The following SGCZ variants were observed in gnomAD, a reference collection of about 807,000 sequenced individuals.
SGCZ encodes zeta-sarcoglycan.
Under a neutral mutation model 41.3 loss-of-function variants are expected in SGCZ, and 40 were observed. The observed-to-expected ratio is 0.97, with a 90% CI of 0.75 to 1.26. The LOEUF is 1.26. Among genes scored for constraint, SGCZ ranks in the 50% most tolerant of loss-of-function variants. The probability of loss-of-function intolerance (pLI) is 0.00; values close to 1 mark genes in which losing one functional copy is unlikely to be tolerated. For synonymous variants in SGCZ, 206 were observed against 137.5 expected, an observed-to-expected ratio of 1.50 and a Z score of -3.49; for missense variants, 552 against 369.8, an observed-to-expected ratio of 1.49 and a Z score of -4.04.
chr8:14,844,053 A>G (rs1585311789), intron 1 of SGCZ, among the ~76,000 whole-genome samples: 1 of 151,488 alleles, frequency 6.6e-6, no homozygotes, highest in Non-Finnish European at 1.5e-5. Context: ...TTTAAAAATT[A>G]TATGTACATA....
At chr8:14,790,589 T>C (rs1044373049) in intron 1 of SGCZ, among the ~76,000 whole-genome samples, 3 of 152,064 alleles carry the variant, frequency 2.0e-5, no homozygotes, top group Admixed American at 6.6e-5. Context: ...TATAAATAAC[T>C]AAGAATTAAA....
At chr8:14,934,158 T>A (rs892445184) in intron 1 of SGCZ, among the ~76,000 whole-genome samples, 1 of 151,942 alleles carries the variant, frequency 6.6e-6, no homozygotes, top group African/African-American at 2.4e-5. Flanking sequence ...ATAAAACTTA[T>A]GGACAGTGTT....
intron 1 of SGCZ, among the ~76,000 whole-genome samples, chr8:15,015,933 T>C (rs1803016155): frequency 2.0e-5 from 3 of 152,082 alleles, no homozygotes; most frequent in Non-Finnish European, 4.4e-5. Context: ...CATTTCCTTC[T>C]TTCCATTTTC....
At chr8:14,277,774 G>C (rs971905266) in intron 3 of SGCZ, among the ~76,000 whole-genome samples, 4 of 152,074 alleles carry the variant, frequency 2.6e-5, no homozygotes, top group Admixed American at 2.0e-4. Context: ...AGTGAGGGGA[G>C]GAATGTTCTC....
At chr8:14,407,389 C>G (rs35827496) in intron 2 of SGCZ, among the ~76,000 whole-genome samples, 1 of 152,050 alleles carries the variant, frequency 6.6e-6, no homozygotes, top group African/African-American at 2.4e-5. Flanking sequence ...GATAAGAACA[C>G]TGAGTTTCAG....
At position 14,798,685 on chromosome 8, in the gene SGCZ, A is replaced by G. The variant is rs187060955; in HGVS notation, c.40-243759T>C. Among the ~76,000 whole-genome samples, 5 of 151,818 alleles carry G rather than the reference A, an allele frequency of 3.3e-5. No individual in the cohort carries two copies. In the East Asian group the frequency reaches 9.8e-4, roughly 30 times the overall value. ...AAAATACTTACATATTTTAAGTGAA[A>G]AAGGAGTATGAAGTAAAATGTACCC... On this transcript the variant is annotated intron_variant, in intron 1 of 7. Coordinates refer to ENST00000382080, the MANE Select transcript of SGCZ (RefSeq NM_139167.4).
intron 3 of SGCZ, among the ~76,000 whole-genome samples, chr8:14,313,054 C>T (rs17297046): frequency 0.27 from 40,596 of 151,970 alleles, 6,197 homozygotes; most frequent in South Asian, 0.48. Flanking sequence ...TCCTGCTCAA[C>T]AACGTTTTTT....
intron 3 of SGCZ, among the ~76,000 whole-genome samples, chr8:14,294,643 T>C (rs1563240765): frequency 1.3e-5 from 2 of 151,954 alleles, no homozygotes; most frequent in African/African-American, 4.8e-5. Flanking sequence ...CTGATCCCTT[T>C]AAAAAAATAT....
chr8:14,540,542 A>G (rs1229748469), intron 2 of SGCZ, among the ~76,000 whole-genome samples: 1 of 151,656 alleles, frequency 6.6e-6, no homozygotes, highest in Non-Finnish European at 1.5e-5. Context: ...GGGTTGTTTC[A>G]ATGGCTTTAT....
At chr8:15,232,739 GTGTGTATATATATACATATATA>G (rs1801988395) in intron 1 of SGCZ, among the ~76,000 whole-genome samples, 1 of 143,752 alleles carries the variant, frequency 7.0e-6, no homozygotes, top group African/African-American at 2.5e-5. Flanking sequence ...ACATATATAT[GTGTGTATATATATACATATATA>G]TGTGTGTATA....
In SGCZ at chr8:14,110,818, C is replaced by T. The variant is rs960504307; in HGVS notation, c.548-2583G>A. 6.6e-5 allele frequency among the ~76,000 whole-genome samples: 10 copies of T among 152,014 alleles called. No individual in the cohort carries two copies. The South Asian group carries it at 1.2e-3, about 19-fold the overall frequency. ...CTGGAATCCCAGCACTTTAGGAGGA[C>T]GAAGCAGGCAGATCACTTGAGGGCA... On this transcript the variant is annotated intron_variant, in intron 5 of 7. Coordinates refer to ENST00000382080, the MANE Select transcript of SGCZ (RefSeq NM_139167.4).
At chr8:14,782,821 T>C (rs1301353414) in intron 1 of SGCZ, among the ~76,000 whole-genome samples, 1 of 152,204 alleles carries the variant, frequency 6.6e-6, no homozygotes, top group East Asian at 1.9e-4. Flanking sequence ...GACACAGGCA[T>C]ATTGCAGATC....
chr8:14,492,706 C>T (rs1218328330), intron 2 of SGCZ, among the ~76,000 whole-genome samples: 1 of 152,128 alleles, frequency 6.6e-6, no homozygotes, highest in Non-Finnish European at 1.5e-5. Flanking sequence ...AAGGCTCAAC[C>T]TTCCTCATTT....
At chr8:15,124,848 G>C (rs1455367341) in intron 1 of SGCZ, among the ~76,000 whole-genome samples, 1 of 151,994 alleles carries the variant, frequency 6.6e-6, no homozygotes, top group Non-Finnish European at 1.5e-5. Context: ...AAATCAGGGA[G>C]GAAGGATATG....
intron 1 of SGCZ, among the ~76,000 whole-genome samples, chr8:14,921,981 G>T (rs1435014952): frequency 6.6e-6 from 1 of 152,006 alleles, no homozygotes; most frequent in Non-Finnish European, 1.5e-5. Context: ...AATATTTCTG[G>T]TGGTTTAAGA....
At chr8:14,281,758 T>G (rs1327305081) in intron 3 of SGCZ, among the ~76,000 whole-genome samples, 3 of 152,080 alleles carry the variant, frequency 2.0e-5, no homozygotes, top group Non-Finnish European at 1.5e-5. Flanking sequence ...TAGAGGGGCC[T>G]GTGAGGTTAT....
intron 1 of SGCZ, among the ~76,000 whole-genome samples, chr8:14,975,817 G>A (rs1453813857): frequency 7.0e-6 from 1 of 141,876 alleles, no homozygotes; most frequent in Admixed American, 7.0e-5. Flanking sequence ...ATATGTGTGT[G>A]TGTGTGTAGA....
intron 2 of SGCZ, among the ~76,000 whole-genome samples, chr8:14,357,868 G>A (rs947233130): frequency 1.6e-4 from 25 of 152,108 alleles, no homozygotes; most frequent in African/African-American, 6.0e-4. Context: ...GTCGACCACT[G>A]TACCCTGCAA....
At chr8:14,809,958 G>T (rs1381293877) in intron 1 of SGCZ, among the ~76,000 whole-genome samples, 1 of 151,980 alleles carries the variant, frequency 6.6e-6, no homozygotes, top group African/African-American at 2.4e-5. Flanking sequence ...TAACTATATG[G>T]TTTTTCCTTA....
Sources: gnomAD v4.1 joint callset for allele counts (sites outside exome capture counted in the v4.1 genomes callset) on GRCh38, gnomAD v4.1.1 for gene constraint, MANE v1.5 for transcripts, NCBI Gene and HGNC (gene_info 2026-07-23, HGNC 2026-07-21) for gene names.